TMPRSS9: variants seen among roughly 807,000 people sequenced by gnomAD.
The protein encoded by TMPRSS9 is transmembrane protease serine 9.
A neutral mutation model predicts 111.4 loss-of-function variants in TMPRSS9; 113 were observed. The ratio of observed to expected loss-of-function variants is 1.01; its 90% CI spans 0.87 to 1.19. TMPRSS9 has a LOEUF of 1.19. Among genes scored for constraint, TMPRSS9 ranks in the 50% most tolerant of loss-of-function variants. The pLI, the probability that TMPRSS9 is intolerant of heterozygous loss-of-function variation, is 0.00. For missense variants in TMPRSS9, 1,803 were observed against 1,513.1 expected (o/e 1.19, Z -3.18); for synonymous variants, 805 against 659.1 (o/e 1.22, Z -3.39).
chr19:2,401,661 A>G (rs960210553), intron 4 of TMPRSS9, among the ~76,000 whole-genome samples: 9 of 151,652 alleles, frequency 5.9e-5, no homozygotes, highest in African/African-American at 1.5e-4. Context: ...AGGCTGGAGT[A>G]CAATGGTGTG....
chr19:2,401,934 C>T (rs763215642), intron 4 of TMPRSS9, 41 bp from the exon 6 acceptor site: 145 of 1,585,714 alleles, frequency 9.1e-5, no homozygotes, highest in Non-Finnish European at 1.2e-4. Flanking sequence ...AGGGTTTTAC[C>T]GCTTATTCAG....
intron 1 of TMPRSS9, among the ~76,000 whole-genome samples, chr19:2,374,071 C>G (rs11667061): frequency 2.0e-5 from 3 of 152,034 alleles, no homozygotes; most frequent in Non-Finnish European, 4.4e-5. Flanking sequence ...TTGGGCAAAT[C>G]TGGGCAGTGC....
At chr19:2,385,255 G>A (rs1599282097), upstream of TMPRSS9, among the ~76,000 whole-genome samples, 2 of 151,644 alleles carry the variant, frequency 1.3e-5, no homozygotes, top group African/African-American at 2.4e-5. Flanking sequence ...ATCCCAGGAG[G>A]AGGGATCCCA....
upstream of TMPRSS9, among the ~76,000 whole-genome samples, chr19:2,389,394 G>C (rs1970539384): frequency 8.4e-6 from 1 of 118,868 alleles, no homozygotes; most frequent in South Asian, 2.6e-4. Context: ...TTTTTTTTTG[G>C]AGTCTCGCTC....
At chr19:2,418,310 C>CTTT (rs1568189288) in intron 13 of TMPRSS9, among the ~76,000 whole-genome samples, 172 bp downstream of exon 14, 1 of 31,838 alleles carries the variant, frequency 3.1e-5, no homozygotes, top group African/African-American at 3.8e-4. Flanking sequence ...CCTCCCTTTC[C>CTTT]CTCCCTCCCT....
intron 2 of TMPRSS9, among the ~76,000 whole-genome samples, chr19:2,397,135 G>T (rs905797048): frequency 6.6e-6 from 1 of 151,876 alleles, no homozygotes; most frequent in African/African-American, 2.4e-5. Flanking sequence ...AGGACAGGAT[G>T]GTCTTGAACT....
chr19:2,387,778 G>A (rs1970508627), upstream of TMPRSS9, among the ~76,000 whole-genome samples: 1 of 152,064 alleles, frequency 6.6e-6, no homozygotes, highest in Non-Finnish European at 1.5e-5. Flanking sequence ...CAGGGGTGGG[G>A]TGTGAAGGTC....
At chr19:2,371,576 A>G (rs1277223854) in intron 1 of TMPRSS9, among the ~76,000 whole-genome samples, 1 of 152,076 alleles carries the variant, frequency 6.6e-6, no homozygotes, top group East Asian at 1.9e-4. Context: ...GGGCACCTAT[A>G]ATCTCCGCTA....
At chr19:2,424,936 C>T in intron 15 of TMPRSS9, 66 bp from the exon 17 acceptor site, 2 of 1,367,246 alleles carry the variant, frequency 1.5e-6, no homozygotes, top group Non-Finnish European at 1.9e-6. Flanking sequence ...CGCTGGGGGA[C>T]ACCACAGGGG....
At chr19:2,410,864 CCT>C (rs1358621833) in intron 9 of TMPRSS9, among the ~76,000 whole-genome samples, 1 of 152,138 alleles carries the variant, frequency 6.6e-6, no homozygotes, top group Non-Finnish European at 1.5e-5. Flanking sequence ...CCAAGAAACA[CCT>C]CTTGTATGAA....
chr19:2,401,689 C>G (rs983839602), intron 4 of TMPRSS9, among the ~76,000 whole-genome samples: 1 of 150,968 alleles, frequency 6.6e-6, no homozygotes, highest in Non-Finnish European at 1.5e-5. Context: ...CTCACTGCAA[C>G]CTCTGCCTCC....
chr19:2,383,214 C>T (rs552545602), intron 1 of TMPRSS9, among the ~76,000 whole-genome samples: 73 of 151,754 alleles, frequency 4.8e-4, no homozygotes, highest in African/African-American at 1.6e-3. Flanking sequence ...ATTAGCCAGG[C>T]ATGGTGGCAG....
intron 10 of TMPRSS9, 139 bp downstream of exon 11, chr19:2,414,157 C>T (rs1971166861): frequency 1.1e-6 from 1 of 898,714 alleles, no homozygotes; most frequent in African/African-American, 1.7e-5. Context: ...TTATTCCCAT[C>T]TTACGTTGCG....
upstream of TMPRSS9, among the ~76,000 whole-genome samples, chr19:2,387,187 C>T (rs1051972538): frequency 6.6e-6 from 1 of 151,924 alleles, no homozygotes; most frequent in Non-Finnish European, 1.5e-5. Context: ...CAAGATTCCC[C>T]TCTCTACAAA....
intron 1 of TMPRSS9, among the ~76,000 whole-genome samples, chr19:2,370,585 TC>T (rs34294571): frequency 5.9e-5 from 9 of 152,112 alleles, no homozygotes; most frequent in African/African-American, 2.2e-4. Flanking sequence ...CTCCTTGGCC[TC>T]CCAAGGTGCT....
exon 16 of TMPRSS9, chr19:2,425,198 G>A (rs7247162): frequency 0.06 from 90,495 of 1,520,608 alleles, 4,579 homozygotes; most frequent in East Asian, 0.31. Flanking sequence ...CTGCCTGCCC[G>A]AGCCCGCGCC....
At chr19:2,403,140 C>G in exon 6 of TMPRSS9, 4 of 1,612,662 alleles carry the variant, frequency 2.5e-6, no homozygotes, top group African/African-American at 1.3e-5. Flanking sequence ...CCAAGGTGAA[C>G]CCGGAGTGTG....
chr19:2,403,217 G>C (rs1221957241), intron 6 of TMPRSS9, 22 bp downstream of exon 7: 6 of 1,569,578 alleles, frequency 3.8e-6, no homozygotes, highest in Non-Finnish European at 5.2e-6. Flanking sequence ...TGTCTGGCCT[G>C]GTCTCTGGGC....
Position 2,410,274 on chromosome 19 carries a change from G to A in TMPRSS9, c.1134G>A (p.Val378=), listed in dbSNP as rs143185258. Residue 378 remains valine (V), a synonymous_variant, in exon 9 of 18, where the codon GTG becomes GTA. Transcript: ENST00000648592. Reference sequence around the variant, plus strand: ...TTCGGCCAGTGGTCAAGCCAGAGGTGCTGCAGAAAGCCACTGTGGAGCTGC... The same window carrying A: ...TTCGGCCAGTGGTCAAGCCAGAGGTACTGCAGAAAGCCACTGTGGAGCTGC... The A allele has an allele frequency of 6.8e-6, 11 of 1,613,816 alleles. No individual in the cohort carries two copies. The African/African-American group carries it at 1.3e-4, about 20-fold the overall frequency.
Sources: allele counts gnomAD v4.1 joint callset (sites outside exome capture counted in the v4.1 genomes callset), GRCh38; gene constraint gnomAD v4.1.1; transcripts MANE v1.5; gene names NCBI Gene and HGNC (gene_info 2026-07-23, HGNC 2026-07-21).